The following GPR26 variants were observed in gnomAD, a reference collection of about 807,000 sequenced individuals.
GPR26 encodes the protein G protein-coupled receptor 26.
In GPR26, 15 loss-of-function variants were observed where a neutral mutation model predicts 23.1. The observed-to-expected ratio is 0.65, with a 90% confidence interval of 0.43 to 1.00. GPR26 has a LOEUF of 1.00. Among genes scored for constraint, GPR26 ranks in the 50% least tolerant of loss-of-function variants. GPR26 has a pLI of 0.00. For synonymous variants in GPR26, 228 were observed against 222.1 expected (o/e 1.03, Z -0.24); for missense variants, 359 against 470.5 (o/e 0.76, Z 2.19).
In GPR26 at chr10:123,695,510, G is replaced by C. The variant is rs957918995; in HGVS notation, c.*7350G>C. On this transcript the variant is annotated 3_prime_UTR_variant, in exon 3 of 3. Coordinates refer to ENST00000284674, the MANE Select transcript of GPR26 (RefSeq NM_153442.4). ...AAGAGTATCACCATCAAGGCGCAAG[G>C]CTTCAGTCTTATCCCGGACAATCCT... Among the ~76,000 whole-genome samples the C allele has an allele frequency of 2.6e-5, 4 of 152,134 alleles. No individual in the cohort carries two copies. The highest frequency in any genetic ancestry group is 5.9e-5 in the Non-Finnish European group (4 of 68,032).
chr10:123,666,615 C>A lies in GPR26; in HGVS notation c.208C>A (p.Gln70Lys). 1.3e-6 allele frequency: 2 copies of A among 1,588,960 alleles called. No individual in the cohort carries two copies. The highest frequency in any genetic ancestry group is 1.7e-6 in the Non-Finnish European group (2 of 1,171,116). The change falls in exon 1 of 3, where the codon CAG becomes AAG. Residue 70 changes from glutamine (Q) to lysine (K), a missense_variant. By Grantham distance (53) the Gln-to-Lys change is moderately conservative. Coordinates refer to ENST00000284674, the MANE Select transcript of GPR26 (RefSeq NM_153442.4). ...MPLTLAGVVA[Q>K]RQPAGDRLCR... Reference sequence around the variant, plus strand: ...GCTCACGCTGGCCGGCGTCGTGGCGCAGCGGCAGCCGGCGGGCGACCGCCT... The same window carrying A: ...GCTCACGCTGGCCGGCGTCGTGGCGAAGCGGCAGCCGGCGGGCGACCGCCT...
Position 123,674,981 on chromosome 10 carries a change from G to T in GPR26, c.782+50G>T. ...TTGGGACTTTGAAGAGTAAGGCAGG[G>T]CCCAGTGACCTTTAGCAGTGGCAGC... On this transcript the variant is annotated intron_variant, in intron 2 of 2. Coordinates refer to ENST00000284674, the MANE Select transcript of GPR26 (RefSeq NM_153442.4). The surrounding 1 kb of genome is among the most constrained non-coding windows in gnomAD (Gnocchi z 4.1). 8.6e-7 allele frequency: 1 copy of T among 1,165,738 alleles called. No homozygotes were observed. Among genetic ancestry groups the T allele is most frequent in the Non-Finnish European group, 1.3e-6 (1 of 783,550 alleles). The allele number at this position is 1,165,738 out of a possible 1,614,324, so 72.2% of individuals were successfully genotyped here. A position where few individuals can be genotyped will look rare whatever the true frequency, so the allele number is the denominator to read the frequency against.
rs1011294304 is a variant in GPR26 at position 123,690,512 on chromosome 10, G to A, written c.*2352G>A. ...CTTCTTTAGCCAAGAAGCAAGATCT[G>A]TCACCCACAACACCACATATCTTGA... On this transcript the variant is annotated 3_prime_UTR_variant, in exon 3 of 3. Coordinates refer to ENST00000284674, the MANE Select transcript of GPR26 (RefSeq NM_153442.4). 2 of 152,104 alleles carry A rather than the reference G, an allele frequency of 1.3e-5. No homozygotes were observed. The highest frequency in any genetic ancestry group is 2.9e-5 in the Non-Finnish European group (2 of 68,028). 9.4% of individuals were successfully genotyped at this position (152,104 alleles called of 1,614,324 possible).
In GPR26 at chr10:123,695,186, C is replaced by A. The variant is rs529223524; in HGVS notation, c.*7026C>A. Among the ~76,000 whole-genome samples the A allele has an allele frequency of 6.6e-6, 1 of 152,212 alleles. No homozygotes were observed. The highest frequency in any genetic ancestry group is 1.5e-5 in the Non-Finnish European group (1 of 68,044). ...GTCAAATTTGATGAGTCTAATCAAT[C>A]TTAGCAGTGTTCCAGTTCATCACGT... is the stretch of plus-strand genomic sequence containing the variant. On this transcript the variant is annotated 3_prime_UTR_variant, in exon 3 of 3. Coordinates refer to ENST00000284674, the MANE Select transcript of GPR26 (RefSeq NM_153442.4).
chr10:123,669,923 T>C (rs1379917808), intron 1 of GPR26, among the ~76,000 whole-genome samples: 4 of 152,242 alleles, frequency 2.6e-5, no homozygotes, highest in African/African-American at 4.8e-5. Flanking sequence ...TCCATCTGAA[T>C]GAGCAGCATT....
chr10:123,678,849 T>C (rs1845337053), intron 2 of GPR26, among the ~76,000 whole-genome samples: 1 of 152,034 alleles, frequency 6.6e-6, no homozygotes, highest in African/African-American at 2.4e-5. Context: ...GGGGACAGGA[T>C]TAATCTCACA....
intron 1 of GPR26, among the ~76,000 whole-genome samples, chr10:123,673,289 T>C: frequency 6.6e-6 from 1 of 152,216 alleles, no homozygotes; most frequent in East Asian, 1.9e-4. Context: ...TTTGATTAAG[T>C]ATCAAAATCA....
At chr10:123,683,516 C>T (rs116648247) in intron 2 of GPR26, among the ~76,000 whole-genome samples, 524 of 152,346 alleles carry the variant, frequency 3.4e-3, no homozygotes, top group African/African-American at 0.011. Context: ...ACACTGGTCT[C>T]TCCAGAGGCT....
intron 1 of GPR26, among the ~76,000 whole-genome samples, chr10:123,671,154 C>A (rs1845245413): frequency 6.6e-6 from 1 of 152,216 alleles, no homozygotes; most frequent in South Asian, 2.1e-4. Flanking sequence ...CTTTAGTTGT[C>A]TAGGGATCCT....
intron 2 of GPR26, among the ~76,000 whole-genome samples, chr10:123,678,773 C>G (rs1845335964): frequency 6.6e-6 from 1 of 152,220 alleles, no homozygotes; most frequent in African/African-American, 2.4e-5. Flanking sequence ...TGGGTGCGGC[C>G]AGGACCCCAT....
intron 1 of GPR26, among the ~76,000 whole-genome samples, chr10:123,672,683 AAGGTCTGGGTTC>A (rs1453604243): frequency 1.3e-5 from 2 of 152,186 alleles, no homozygotes; most frequent in Non-Finnish European, 2.9e-5. Flanking sequence ...CCAGAGTCAG[AAGGTCTGGGTTC>A]AGGTCCTGCC....
chr10:123,682,203 A>T (rs1175417276), intron 2 of GPR26, among the ~76,000 whole-genome samples: 1 of 152,094 alleles, frequency 6.6e-6, no homozygotes, highest in Non-Finnish European at 1.5e-5. Flanking sequence ...TCTCTAGCAA[A>T]ATTGGTGGGT....
chr10:123,677,910 C>T (rs1051264692), intron 2 of GPR26, among the ~76,000 whole-genome samples: 5 of 152,114 alleles, frequency 3.3e-5, no homozygotes, highest in African/African-American at 9.7e-5. Context: ...TAAAAACACA[C>T]GAGCTCTGAG....
chr10:123,680,198 G>T (rs1279746143), intron 2 of GPR26, among the ~76,000 whole-genome samples: 1 of 152,230 alleles, frequency 6.6e-6, no homozygotes, highest in African/African-American at 2.4e-5. Flanking sequence ...TCCCTGAGAT[G>T]GGAGACTCCT....
intron 2 of GPR26, among the ~76,000 whole-genome samples, chr10:123,680,211 C>A (rs1220534495): frequency 1.3e-5 from 2 of 152,164 alleles, no homozygotes; most frequent in Non-Finnish European, 2.9e-5. Flanking sequence ...AGACTCCTGG[C>A]CTAGATGGGA....
intron 2 of GPR26, among the ~76,000 whole-genome samples, chr10:123,679,912 C>T (rs1474034191): frequency 1.3e-5 from 2 of 152,256 alleles, no homozygotes; most frequent in Non-Finnish European, 2.9e-5. Context: ...GCCCACTGCA[C>T]TGCAGCTGCA....
chr10:123,683,006 A>G (rs1163704080), intron 2 of GPR26, among the ~76,000 whole-genome samples: 1 of 150,398 alleles, frequency 6.6e-6, no homozygotes, highest in African/African-American at 2.5e-5. Context: ...ATACATGTGT[A>G]TGTATGTATG....
At chr10:123,682,073 A>G (rs1173154306) in intron 2 of GPR26, among the ~76,000 whole-genome samples, 1 of 152,214 alleles carries the variant, frequency 6.6e-6, no homozygotes, top group Non-Finnish European at 1.5e-5. Context: ...AGGCGCTGGA[A>G]ACACAGAGAA....
chr10:123,676,560 C>T (rs555400078), intron 2 of GPR26, among the ~76,000 whole-genome samples: 3 of 152,264 alleles, frequency 2.0e-5, no homozygotes, highest in Admixed American at 6.5e-5. Context: ...CCAAATGCTC[C>T]CTGGAGACCA....
Sources: allele counts gnomAD v4.1 joint callset (sites outside exome capture counted in the v4.1 genomes callset), GRCh38; gene constraint gnomAD v4.1.1; non-coding constraint Gnocchi (gnomAD v3.1); transcripts MANE v1.5; gene names NCBI Gene and HGNC (gene_info 2026-07-23, HGNC 2026-07-21).